KIAA1549L: variants seen among roughly 807,000 people sequenced by gnomAD.
The protein encoded by KIAA1549L is UPF0606 protein KIAA1549L.
A neutral mutation model predicts 160.7 loss-of-function variants in KIAA1549L; 88 were observed. The observed-to-expected ratio is 0.55, with a 90% CI of 0.46 to 0.65. The LOEUF (loss-of-function observed/expected upper bound fraction) is 0.65. Among genes scored for constraint, KIAA1549L ranks in the 30% least tolerant of loss-of-function variants. KIAA1549L has a pLI of 0.00. For synonymous variants in KIAA1549L, 950 were observed against 976.7 expected (o/e 0.97, Z 0.51); for missense variants, 2,258 against 2,437.5 (o/e 0.93, Z 1.55).
chr11:33,642,366 T>G (rs1403923015), intron 16 of KIAA1549L, among the ~76,000 whole-genome samples: 4 of 152,164 alleles, frequency 2.6e-5, no homozygotes, highest in Non-Finnish European at 5.9e-5. Context: ...CACTTGAATG[T>G]AAAATTTTCT....
intron 16 of KIAA1549L, among the ~76,000 whole-genome samples, chr11:33,643,501 C>T (rs1451234084): frequency 6.6e-6 from 1 of 152,198 alleles, no homozygotes; most frequent in Non-Finnish European, 1.5e-5. Context: ...AATTGTACCT[C>T]AGCTCACCCC....
At chr11:33,425,628 C>G (rs1489697926) in intron 1 of KIAA1549L, among the ~76,000 whole-genome samples, 1 of 152,160 alleles carries the variant, frequency 6.6e-6, no homozygotes, top group Non-Finnish European at 1.5e-5. Flanking sequence ...AACCTGAGTT[C>G]AAGTCCTCTC....
intron 1 of KIAA1549L, among the ~76,000 whole-genome samples, chr11:33,432,542 C>T (rs1447637935): frequency 6.6e-6 from 1 of 152,080 alleles, no homozygotes; most frequent in Non-Finnish European, 1.5e-5. Context: ...TGTAAAGCTG[C>T]TGAGATTCTG....
intron 1 of KIAA1549L, among the ~76,000 whole-genome samples, chr11:33,454,949 C>T (rs1279776186): frequency 2.0e-5 from 3 of 151,952 alleles, no homozygotes; most frequent in Non-Finnish European, 4.4e-5. Flanking sequence ...AATAGCCGGG[C>T]GTGGTGGCAG....
chr11:33,463,210 A>G (rs775000258), intron 1 of KIAA1549L, among the ~76,000 whole-genome samples: 4 of 152,170 alleles, frequency 2.6e-5, no homozygotes, highest in Admixed American at 6.5e-5. Context: ...AGCTACATGC[A>G]GTACCATATA....
intron 1 of KIAA1549L, among the ~76,000 whole-genome samples, chr11:33,496,718 G>A (rs1590288805): frequency 6.6e-6 from 1 of 152,134 alleles, no homozygotes; most frequent in African/African-American, 2.4e-5. Flanking sequence ...CTGCTCCACA[G>A]TACAGCCAGA....
chr11:33,525,612 G>A lies in KIAA1549L; in HGVS notation c.239-16190G>A, dbSNP rs573435808. On this transcript the variant is annotated intron_variant, in intron 1 of 20. Coordinates refer to ENST00000658780, the MANE Select transcript of KIAA1549L (RefSeq NM_012194.3). ...GGGGTCGGGGGGTGGGGACAAATTG[G>A]AAGTGCATATATGAGTGCAGAAGTC... 9.2e-5 allele frequency among the ~76,000 whole-genome samples: 14 copies of A among 152,138 alleles called. No homozygotes were observed. In the South Asian group the frequency reaches 2.9e-3, roughly 32 times the overall value.
rs751160139 is a variant in KIAA1549L at position 33,616,158 on chromosome 11, G to A, written c.5280-2375G>A. 3.9e-5 allele frequency among the ~76,000 whole-genome samples: 6 copies of A among 152,152 alleles called. No individual in the cohort carries two copies. In the South Asian group the frequency reaches 6.2e-4, roughly 16 times the overall value. On this transcript the variant is annotated intron_variant, in intron 15 of 20. Coordinates refer to ENST00000658780, the MANE Select transcript of KIAA1549L (RefSeq NM_012194.3). ...AGCATTATTGAAAGGTCCAGGCTTCGGCTTGGCTGGATCCAGGGGTCAGAT... is the reference window on the plus strand; with the variant it reads ...AGCATTATTGAAAGGTCCAGGCTTCAGCTTGGCTGGATCCAGGGGTCAGAT...
chr11:33,476,061 C>T (rs1308340284), intron 1 of KIAA1549L, among the ~76,000 whole-genome samples: 3 of 152,182 alleles, frequency 2.0e-5, no homozygotes, highest in Admixed American at 2.0e-4. Flanking sequence ...AAACTCCACA[C>T]AACTGGTCTG....
chr11:33,443,202 G>A (rs1851544378), intron 1 of KIAA1549L, among the ~76,000 whole-genome samples: 1 of 152,066 alleles, frequency 6.6e-6, no homozygotes, highest in Non-Finnish European at 1.5e-5. Context: ...GTCTTGTTAT[G>A]TTGCCCAGGC....
intron 1 of KIAA1549L, among the ~76,000 whole-genome samples, chr11:33,447,548 G>A (rs1243410798): frequency 2.5e-5 from 3 of 121,894 alleles, no homozygotes; most frequent in Non-Finnish European, 3.2e-5. Context: ...CCACCCATGC[G>A]TGCATGCATG....
intron 18 of KIAA1549L, among the ~76,000 whole-genome samples, chr11:33,657,141 A>C (rs564334493): frequency 7.2e-6 from 1 of 138,604 alleles, no homozygotes; most frequent in South Asian, 2.6e-4. Context: ...CTGTGGGAAC[A>C]AGCAAGCAGA....
At chr11:33,559,551 C>G (rs76738133) in intron 6 of KIAA1549L, among the ~76,000 whole-genome samples, 198 bp from the exon 7 acceptor site, 2,758 of 152,212 alleles carry the variant, frequency 0.018, 84 homozygotes, top group African/African-American at 0.063. Flanking sequence ...AGATGACGTG[C>G]CCTTAGCACC....
chr11:33,635,493 C>G (rs2133383853), intron 16 of KIAA1549L, among the ~76,000 whole-genome samples: 1 of 152,286 alleles, frequency 6.6e-6, no homozygotes, highest in African/African-American at 2.4e-5. Flanking sequence ...AGAGAGGCTT[C>G]AAATTCCTAT....
intron 1 of KIAA1549L, among the ~76,000 whole-genome samples, chr11:33,472,713 T>A (rs574696571): frequency 1.8e-4 from 28 of 152,272 alleles, no homozygotes; most frequent in Non-Finnish European, 3.5e-4. Context: ...TGTCAAAAAT[T>A]TCTTTCAGGT....
At chr11:33,595,244 C>T (rs182090873) in intron 12 of KIAA1549L, among the ~76,000 whole-genome samples, 24 of 152,066 alleles carry the variant, frequency 1.6e-4, no homozygotes, top group African/African-American at 5.3e-4. Flanking sequence ...TTTTCTTTTT[C>T]GAGACAGAGT....
At chr11:33,394,394 T>A (rs199823483) in intron 1 of KIAA1549L, among the ~76,000 whole-genome samples, 1 of 57,314 alleles carries the variant, frequency 1.7e-5, no homozygotes, top group Non-Finnish European at 3.0e-5. Flanking sequence ...TCATAAATAA[T>A]AAATAAATAA....
chr11:33,485,512 A>G (rs1469142268), intron 1 of KIAA1549L, among the ~76,000 whole-genome samples: 6 of 152,138 alleles, frequency 3.9e-5, no homozygotes, highest in East Asian at 3.8e-4. Flanking sequence ...TCAATTAAAG[A>G]TATTTCCAGA....
intron 1 of KIAA1549L, among the ~76,000 whole-genome samples, chr11:33,377,264 T>A (rs763913867): frequency 5.9e-5 from 9 of 152,198 alleles, no homozygotes; most frequent in Non-Finnish European, 1.3e-4. Flanking sequence ...TTGTCTTAAC[T>A]GCATGAAATG....
Sources: gnomAD v4.1 joint callset for allele counts (sites outside exome capture counted in the v4.1 genomes callset) on GRCh38, gnomAD v4.1.1 for gene constraint, MANE v1.5 for transcripts, NCBI Gene and HGNC (gene_info 2026-07-23, HGNC 2026-07-21) for gene names.